The following NETO1 variants were observed in gnomAD, a reference collection of about 807,000 sequenced individuals.
NETO1 encodes neuropilin and tolloid like 1.
Under a neutral mutation model 61.3 loss-of-function variants are expected in NETO1, and 26 were observed. The ratio of observed to expected loss-of-function variants is 0.42; its 90% CI spans 0.31 to 0.59. NETO1 has a LOEUF of 0.59. NETO1 is among the 20% of genes least tolerant of loss of function. The pLI is 0.12. For missense variants in NETO1, 531 were observed against 662.8 expected (o/e 0.80, Z 2.18); for synonymous variants, 225 against 225.8 (o/e 1.00, Z 0.03).
rs527364179 is a variant in NETO1, at chr18:72,796,842, A to C, written c.470-2438T>G. Among the ~76,000 whole-genome samples the C allele has an allele frequency of 6.6e-5, 10 of 152,356 alleles. No individual in the cohort carries two copies. In the East Asian group the frequency reaches 1.9e-3, roughly 29 times the overall value. ...CAATCTCCATTTAAAAAATAGGGAC[A>C]TCATAGATCATTTGGAACAAGATGC... is the stretch of plus-strand genomic sequence containing the variant. On this transcript the variant is annotated intron_variant, in intron 4 of 10. Coordinates refer to ENST00000327305, the MANE Select transcript of NETO1 (RefSeq NM_138966.5).
At chr18:72,766,184 T>A (rs542285300) in intron 7 of NETO1, among the ~76,000 whole-genome samples, 1 of 149,834 alleles carries the variant, frequency 6.7e-6, no homozygotes, top group South Asian at 2.1e-4. Flanking sequence ...TCAGCCTGGG[T>A]GACAGAGTGA....
At chr18:72,857,736 T>G (rs1489230472) in intron 4 of NETO1, among the ~76,000 whole-genome samples, 1 of 152,170 alleles carries the variant, frequency 6.6e-6, no homozygotes, top group Non-Finnish European at 1.5e-5. Context: ...ATGATTTCTG[T>G]GAGTAATCCA....
chr18:72,828,056 T>C (rs1243165740), intron 4 of NETO1, among the ~76,000 whole-genome samples: 2 of 152,172 alleles, frequency 1.3e-5, no homozygotes, highest in Admixed American at 1.3e-4. Context: ...CTCACGCCTG[T>C]AATCCCAACA....
intron 4 of NETO1, among the ~76,000 whole-genome samples, chr18:72,835,823 TA>T (rs2073727546): frequency 6.6e-6 from 1 of 152,194 alleles, no homozygotes; most frequent in South Asian, 2.1e-4. Context: ...ACACTATAAC[TA>T]ATGTTTGGAA....
chr18:72,773,482 A>C (rs1449787465), intron 7 of NETO1, among the ~76,000 whole-genome samples: 1 of 152,160 alleles, frequency 6.6e-6, no homozygotes, highest in Non-Finnish European at 1.5e-5. Flanking sequence ...GAGTTGTGAT[A>C]TTGTATGGCT....
chr18:72,815,403 G>A (rs2073001188), intron 4 of NETO1, among the ~76,000 whole-genome samples: 1 of 151,978 alleles, frequency 6.6e-6, no homozygotes, highest in African/African-American at 2.4e-5. Context: ...AACACTTATA[G>A]CCTTCATATC....
chr18:72,777,782 G>A (rs189410489), intron 7 of NETO1, among the ~76,000 whole-genome samples: 4 of 152,148 alleles, frequency 2.6e-5, no homozygotes, highest in African/African-American at 4.8e-5. Context: ...TTTTATCTTC[G>A]TGTTCTATCC....
intron 4 of NETO1, among the ~76,000 whole-genome samples, chr18:72,843,765 T>C (rs1466000894): frequency 6.6e-6 from 1 of 152,180 alleles, no homozygotes; most frequent in Non-Finnish European, 1.5e-5. Context: ...AAGCGTATTT[T>C]TAGGGTCAGT....
At chr18:72,834,450 T>C in intron 4 of NETO1, 1 of 980,020 alleles carries the variant, frequency 1.0e-6, no homozygotes, top group Non-Finnish European at 1.2e-6. Context: ...CAGAAAAACA[T>C]ATCTGGGGCA....
At chr18:72,819,086 T>C (rs2073112379) in intron 4 of NETO1, among the ~76,000 whole-genome samples, 1 of 152,152 alleles carries the variant, frequency 6.6e-6, no homozygotes, top group African/African-American at 2.4e-5. Context: ...TGAATCTAAG[T>C]CCATGTCTTC....
At chr18:72,788,015 A>T (rs1374422590) in intron 6 of NETO1, among the ~76,000 whole-genome samples, 1 of 152,230 alleles carries the variant, frequency 6.6e-6, no homozygotes, top group Non-Finnish European at 1.5e-5. Flanking sequence ...GGCTGTTTTA[A>T]ATTCTTTAAA....
intron 3 of NETO1, among the ~76,000 whole-genome samples, chr18:72,864,147 G>A (rs920225362): frequency 6.6e-6 from 1 of 151,914 alleles, no homozygotes; most frequent in Non-Finnish European, 1.5e-5. Context: ...GGAACTCAGG[G>A]GACTCTCGCT....
chr18:72,803,673 TAGTC>T (rs2072579730), intron 4 of NETO1, among the ~76,000 whole-genome samples: 1 of 151,794 alleles, frequency 6.6e-6, no homozygotes, highest in Non-Finnish European at 1.5e-5. Context: ...AATACAAAAT[TAGTC>T]AGGTGTGGTG....
rs375801300 is a variant in NETO1 at position 72,826,044 on chromosome 18, G to A, written c.470-31640C>T. Among the ~76,000 whole-genome samples, 419 of 152,170 alleles carry A rather than the reference G, an allele frequency of 2.8e-3. 6 individuals carry two copies. Among genetic ancestry groups the A allele is most frequent in the African/African-American group, 9.5e-3 (394 of 41,540 alleles). On this transcript the variant is annotated intron_variant, in intron 4 of 10. Coordinates refer to ENST00000327305, the MANE Select transcript of NETO1 (RefSeq NM_138966.5). ...CAAATATATTCATTATCTTTTTGAAGTCTTTCATATAACTTACTTGTATTA... is the reference window on the plus strand; with the variant it reads ...CAAATATATTCATTATCTTTTTGAAATCTTTCATATAACTTACTTGTATTA...
chr18:72,795,483 T>A (rs556648089), intron 4 of NETO1, among the ~76,000 whole-genome samples: 2 of 152,326 alleles, frequency 1.3e-5, no homozygotes, highest in South Asian at 2.1e-4. Context: ...TTCCTATTTT[T>A]AAAAAATTCT....
At chr18:72,774,027 T>A (rs554734161) in intron 7 of NETO1, among the ~76,000 whole-genome samples, 2 of 152,250 alleles carry the variant, frequency 1.3e-5, no homozygotes, top group Non-Finnish European at 2.9e-5. Flanking sequence ...ATGCATTATC[T>A]CATTTTAGCA....
chr18:72,772,793 T>TCGATCTCTC (rs1391807702), intron 7 of NETO1, among the ~76,000 whole-genome samples: 1 of 58,958 alleles, frequency 1.7e-5, no homozygotes, highest in Non-Finnish European at 3.3e-5. Context: ...CTCTATATAG[T>TCGATCTCTC]TCTCTCTCTC....
chr18:72,842,121 A>G (rs1227895717), intron 4 of NETO1, among the ~76,000 whole-genome samples: 1 of 152,180 alleles, frequency 6.6e-6, no homozygotes, highest in Non-Finnish European at 1.5e-5. Context: ...TTCAAAATTA[A>G]TTGTTTTAAG....
chr18:72,837,680 G>T lies in NETO1; in HGVS notation c.469+21146C>A, dbSNP rs1232442783. 2.6e-5 allele frequency among the ~76,000 whole-genome samples: 4 copies of T among 152,114 alleles called. No homozygotes were observed. In the East Asian group the frequency reaches 7.7e-4, roughly 29 times the overall value. ...TGAACTTATCTCTATGGTATTCAAA[G>T]AATAATAATATTACTTTATTTCCAA... On this transcript the variant is annotated intron_variant, in intron 4 of 10. Coordinates refer to ENST00000327305, the MANE Select transcript of NETO1 (RefSeq NM_138966.5).
Sources: allele counts gnomAD v4.1 joint callset (sites outside exome capture counted in the v4.1 genomes callset), GRCh38; gene constraint gnomAD v4.1.1; transcripts MANE v1.5; gene names NCBI Gene and HGNC (gene_info 2026-07-23, HGNC 2026-07-21).